The following MTRR variants were observed in gnomAD, a reference collection of about 807,000 sequenced individuals.
The protein encoded by MTRR is 5-methyltetrahydrofolate-homocysteine methyltransferase reductase, also known as methionine synthase reductase.
MTRR carries 63 observed loss-of-function variants against 79.2 expected under a neutral mutation model. That is an observed-to-expected ratio of 0.80 (90% CI 0.65 to 0.98). MTRR has a LOEUF of 0.98. Among genes scored for constraint, MTRR ranks in the 50% least tolerant of loss-of-function variants. MTRR has a pLI of 0.00. For missense variants in MTRR, 895 were observed against 839.6 expected (o/e 1.07, Z -0.82); for synonymous variants, 355 against 313.3 (o/e 1.13, Z -1.41).
At chr5:7,875,075 A>G (rs1268620007) in intron 3 of MTRR, 183 bp from the exon 4 acceptor site, 1 of 606,270 alleles carries the variant, frequency 1.6e-6, no homozygotes, top group Non-Finnish European at 2.9e-6. Context: ...TTTATATTGT[A>G]AAATAGAAGA....
At chr5:7,876,098 A>G (rs1301819389) in intron 4 of MTRR, among the ~76,000 whole-genome samples, 2 of 152,162 alleles carry the variant, frequency 1.3e-5, no homozygotes, top group East Asian at 1.9e-4. Flanking sequence ...TTCACTCACT[A>G]TGTTACTGAA....
chr5:7,857,957 C>T (rs918829692), intron 1 of MTRR, among the ~76,000 whole-genome samples: 3 of 152,202 alleles, frequency 2.0e-5, no homozygotes, highest in African/African-American at 7.2e-5. Flanking sequence ...GAAGAACGCT[C>T]GTGCTGTATT....
At chr5:7,870,616 A>C (rs1747793043) in intron 1 of MTRR, among the ~76,000 whole-genome samples, 154 bp from the exon 2 acceptor site, 1 of 152,240 alleles carries the variant, frequency 6.6e-6, no homozygotes, top group African/African-American at 2.4e-5. Flanking sequence ...ATTTAGGCTC[A>C]TTTGAGATTA....
At position 7,887,572 on chromosome 5, in the gene MTRR, A is replaced by G. The variant is rs866644962; in HGVS notation, c.1146+869A>G. On this transcript the variant is annotated intron_variant, in intron 8 of 14. Transcript: ENST00000440940. ...TATTTATATATATATAGATTTATAT[A>G]TATATATATTCCATCTTCCTTTCCT... 4.9e-5 allele frequency among the ~76,000 whole-genome samples: 7 copies of G among 142,960 alleles called. No individual in the cohort carries two copies. The South Asian group carries it at 1.5e-3, about 30-fold the overall frequency. 93.8% of individuals were successfully genotyped at this position (142,960 alleles called of 152,430 possible). A position where few individuals can be genotyped will look rare whatever the true frequency, so the allele number is the denominator to read the frequency against.
At chr5:7,852,928 C>T (rs545578207) in intron 1 of MTRR, among the ~76,000 whole-genome samples, 2 of 152,148 alleles carry the variant, frequency 1.3e-5, no homozygotes, top group Admixed American at 6.5e-5. Context: ...AAACTGAGAC[C>T]GAGATAATTT....
In MTRR at chr5:7,895,851, A is replaced by G. The variant is rs754603638; in HGVS notation, c.1675A>G (p.Arg559Gly). Residue 559 changes from arginine (R) to glycine (G), a missense_variant and splice_region_variant, in exon 12 of 15, where the codon AGA becomes GGA. Coordinates refer to ENST00000440940, the MANE Select transcript of MTRR (RefSeq NM_002454.3). ...CCCGTTTATTGGGTTCCTACAACATAGGTATGTTCTTTTTTTGGCTAATGG... is the reference window on the plus strand; with the variant it reads ...CCCGTTTATTGGGTTCCTACAACATGGGTATGTTCTTTTTTTGGCTAATGG... ...IAPFIGFLQH[R>G]EKLQEQHPDG... 1 of 1,614,078 alleles carries G rather than the reference A, an allele frequency of 6.2e-7. No individual in the cohort carries two copies. The highest frequency in any genetic ancestry group is 1.7e-5 in the Admixed American group (1 of 60,014).
In MTRR at chr5:7,854,496, G is replaced by C. The variant is rs146765169; in HGVS notation, n.391+2911G>C. ...ATGAAAAGAGGTTTAATTGGACTTAGAGTTCCACATGGCTAGGGAGGCCTC... is the reference window on the plus strand; with the variant it reads ...ATGAAAAGAGGTTTAATTGGACTTACAGTTCCACATGGCTAGGGAGGCCTC... On this transcript the variant is annotated intron_variant and non_coding_transcript_variant, in intron 1 of 3. Transcript: ENST00000502509. 2.8e-4 allele frequency among the ~76,000 whole-genome samples: 43 copies of C among 152,262 alleles called. 1 individual carries two copies. The East Asian group carries it at 6.4e-3, about 23-fold the overall frequency.
chr5:7,885,752 A>G lies in MTRR; in HGVS notation c.955A>G (p.Asn319Asp). ...AGATGCCTTCAGCGTGATCTGCCCT[A>G]ACAGTGATTCTGAGGTACAAAGCCT... Reference protein sequence around the residue: ...PGDAFSVICPNSDSEVQSLLQ... With the variant: ...PGDAFSVICPDSDSEVQSLLQ... The change falls in exon 7 of 15, where the codon AAC (asparagine) becomes GAC (aspartate). Residue 319 changes from asparagine (N) to aspartate (D), a missense_variant. Transcript: ENST00000440940. 1 of 1,613,530 alleles carries G rather than the reference A, an allele frequency of 6.2e-7. No homozygotes were observed. Among genetic ancestry groups the G allele is most frequent in the Non-Finnish European group, 8.5e-7 (1 of 1,179,970 alleles).
rs1737143719 is a variant in MTRR, at chr5:7,889,250, C to G, written c.1302C>G (p.Cys434Trp). 6.2e-7 allele frequency: 1 copy of G among 1,612,962 alleles called. No individual in the cohort carries two copies. Among genetic ancestry groups the G allele is most frequent in the Non-Finnish European group, 8.5e-7 (1 of 1,180,008 alleles). Residue 434 changes from cysteine to tryptophan, a missense_variant, in exon 9 of 15, where the codon TGC (cysteine) becomes TGG (tryptophan). Physicochemically the swap from Cys to Trp is radical, Grantham distance 215. Coordinates refer to ENST00000440940, the MANE Select transcript of MTRR (RefSeq NM_002454.3). ...ATCTCCTCCTCGCTTTCCCTTCTTG[C>G]CAGCCACCACTCAGTCTCCTGCTCG... ...LLDLLLAFPS[C>W]QPPLSLLLEH...
chr5:7,890,235 G>A (rs1011763021), intron 9 of MTRR: 11 of 984,610 alleles, frequency 1.1e-5, no homozygotes, highest in Non-Finnish European at 1.2e-5. Context: ...GCAAGTCAGG[G>A]CCTGATTTCT....
chr5:7,862,803 A>C (rs778235418), intron 2 of MTRR: 2 of 1,593,570 alleles, frequency 1.3e-6, no homozygotes, highest in East Asian at 4.5e-5. Flanking sequence ...TAAAACAACA[A>C]AACTCCTTAT....
At position 7,885,794 on chromosome 5, in the gene MTRR, C is replaced by G. The variant is rs10064631; in HGVS notation, c.997C>G (p.Leu333Val). Residue 333 changes from leucine (L) to valine (V), a missense_variant, in exon 7 of 15, where the codon CTT becomes GTT. Physicochemically the swap from Leu to Val is conservative, Grantham distance 32. Coordinates refer to ENST00000440940, the MANE Select transcript of MTRR (RefSeq NM_002454.3). Reference protein sequence around the residue: ...EVQSLLQRLQLEDKREHCVLL... With the variant: ...EVQSLLQRLQVEDKREHCVLL... ...ACAAAGCCTACTCCAAAGACTGCAG[C>G]TTGAAGATAAAAGAGAGCACTGCGT... The G allele has an allele frequency of 7.7e-3, 12,386 of 1,613,870 alleles. 863 individuals carry two copies. The African/African-American group carries it at 0.15, about 19-fold the overall frequency.
At position 7,877,987 on chromosome 5, in the gene MTRR, G is replaced by A; in HGVS notation, c.445G>A (p.Ala149Thr). Reference protein sequence around the residue: ...VEPWIAGLWPALRKHFRSSRG... With the variant: ...VEPWIAGLWPTLRKHFRSSRG... ...GCCGTGGATTGCTGGACTCTGGCCAGCCCTCAGAAAGCATTTTAGGTCAAG... is the reference window on the plus strand; with the variant it reads ...GCCGTGGATTGCTGGACTCTGGCCAACCCTCAGAAAGCATTTTAGGTCAAG... The change falls in exon 5 of 15, where the codon GCC becomes ACC. Residue 149 changes from alanine (A) to threonine (T), a missense_variant. Physicochemically the swap from Ala to Thr is moderately conservative, Grantham distance 58. Transcript: ENST00000440940. The A allele has an allele frequency of 6.2e-7, 1 of 1,613,574 alleles. No homozygotes were observed. Among genetic ancestry groups the A allele is most frequent in the Non-Finnish European group, 8.5e-7 (1 of 1,179,980 alleles).
At chr5:7,858,114 A>T (rs1268401468) in intron 1 of MTRR, among the ~76,000 whole-genome samples, 1 of 152,186 alleles carries the variant, frequency 6.6e-6, no homozygotes, top group Non-Finnish European at 1.5e-5. Context: ...TAGCTGAGTC[A>T]TAGGAAGAGG....
intron 5 of MTRR, among the ~76,000 whole-genome samples, chr5:7,879,285 A>G (rs1217124426): frequency 6.6e-6 from 1 of 152,128 alleles, no homozygotes; most frequent in East Asian, 1.9e-4. Flanking sequence ...GTTGCACCAC[A>G]GACAGGATCA....
intron 10 of MTRR, among the ~76,000 whole-genome samples, chr5:7,892,271 G>A (rs1260241822): frequency 6.6e-6 from 1 of 152,166 alleles, no homozygotes; most frequent in African/African-American, 2.4e-5. Context: ...CTTTTGTAGG[G>A]ATGTCTTTTA....
rs146361524 is a variant in MTRR, at chr5:7,898,218, A to G, written c.1952+971A>G. On this transcript the variant is annotated intron_variant, in intron 14 of 14. Transcript: ENST00000440940. ...TTGGTTTACATTTTCCTTCGCTTTT[A>G]ATGAAGTATTTAATCTGCATTTTGT... Among the ~76,000 whole-genome samples the G allele has an allele frequency of 3.3e-5, 5 of 152,276 alleles. No individual in the cohort carries two copies. In the East Asian group the frequency reaches 9.7e-4, roughly 29 times the overall value.
At position 7,897,253 on chromosome 5, in the gene MTRR, T is replaced by C; in HGVS notation, c.1952+6T>C. The C allele has an allele frequency of 6.2e-7, 1 of 1,613,904 alleles. No homozygotes were observed. Among genetic ancestry groups the C allele is most frequent in the Non-Finnish European group, 8.5e-7 (1 of 1,179,992 alleles). Reference sequence around the variant, plus strand: ...GGCCATATTTATGTGTGTGGGTGAGTCATTATCGTGCCTAAGTCGGGTAGG... The same window carrying C: ...GGCCATATTTATGTGTGTGGGTGAGCCATTATCGTGCCTAAGTCGGGTAGG... On this transcript the variant is annotated splice_donor_region_variant and intron_variant, in intron 14 of 14. Transcript: ENST00000440940.
chr5:7,886,574 C>G, intron 7 of MTRR, 41 bp from the exon 8 acceptor site: 1 of 1,425,570 alleles, frequency 7.0e-7, no homozygotes, highest in Non-Finnish European at 9.9e-7. Flanking sequence ...TATTCTTCAT[C>G]TTCTATGTCA....
Sources: gnomAD v4.1 joint callset for allele counts (sites outside exome capture counted in the v4.1 genomes callset) on GRCh38, gnomAD v4.1.1 for gene constraint, MANE v1.5 for transcripts, NCBI Gene and HGNC (gene_info 2026-07-23, HGNC 2026-07-21) for gene names.